Variants in CSMD1 observed in about 807,000 individuals in gnomAD.
CSMD1 encodes the protein CUB and Sushi multiple domains 1, also known as CUB and sushi domain-containing protein 1.
A neutral mutation model predicts 417.5 loss-of-function variants in CSMD1; 213 were observed. The observed-to-expected ratio is 0.51, with a 90% CI of 0.46 to 0.57. The LOEUF is 0.57. CSMD1 is among the 20% of genes least tolerant of loss of function. CSMD1 has a pLI of 0.00. For missense variants in CSMD1, 6,923 were observed against 4,529.7 expected (o/e 1.53, Z -15.17); for synonymous variants, 2,862 against 1,736.8 (o/e 1.65, Z -16.11).
At chr8:4,272,929 G>T (rs959165706) in intron 3 of CSMD1, among the ~76,000 whole-genome samples, 34 of 152,262 alleles carry the variant, frequency 2.2e-4, no homozygotes, top group Middle Eastern at 3.4e-3. Context: ...GAAGTATTTT[G>T]TAAGAAAGGA....
intron 3 of CSMD1, among the ~76,000 whole-genome samples, chr8:4,359,675 G>T (rs1267337483): frequency 6.6e-6 from 1 of 152,312 alleles, no homozygotes; most frequent in African/African-American, 2.4e-5. Context: ...TTCTGGGTAT[G>T]AATCCTCAGC....
intron 6 of CSMD1, among the ~76,000 whole-genome samples, chr8:3,751,863 C>G (rs1011777504): frequency 6.6e-6 from 1 of 152,102 alleles, no homozygotes; most frequent in Non-Finnish European, 1.5e-5. Flanking sequence ...TTACTGAGAG[C>G]TCTAGGAAAA....
intron 5 of CSMD1, among the ~76,000 whole-genome samples, chr8:3,953,653 C>G (rs768331890): frequency 1.3e-5 from 2 of 152,050 alleles, no homozygotes; most frequent in Non-Finnish European, 2.9e-5. Context: ...CCTAAGAACG[C>G]TGGGACTGGG....
chr8:3,626,234 A>C (rs1796486890), intron 7 of CSMD1, among the ~76,000 whole-genome samples: 2 of 152,320 alleles, frequency 1.3e-5, no homozygotes, highest in South Asian at 4.1e-4. Context: ...GCTTAGCTGG[A>C]GGACTTAGGG....
intron 39 of CSMD1, among the ~76,000 whole-genome samples, chr8:3,157,353 G>C (rs1043476120): frequency 1.3e-5 from 2 of 152,128 alleles, no homozygotes; most frequent in South Asian, 2.1e-4. Flanking sequence ...TAACAGTTTA[G>C]GGAGTCTCAA....
intron 1 of CSMD1, among the ~76,000 whole-genome samples, chr8:4,959,180 C>T (rs1358049631): frequency 6.6e-6 from 1 of 152,168 alleles, no homozygotes; most frequent in African/African-American, 2.4e-5. Context: ...TATGACACAG[C>T]TTCCAAGTAC....
intron 3 of CSMD1, among the ~76,000 whole-genome samples, chr8:4,224,258 C>T (rs1486536237): frequency 6.6e-6 from 1 of 151,902 alleles, no homozygotes; most frequent in Admixed American, 6.6e-5. Flanking sequence ...TTTGAAAATG[C>T]TTGCACACGT....
At chr8:4,270,085 A>G (rs1804487364) in intron 3 of CSMD1, among the ~76,000 whole-genome samples, 1 of 152,176 alleles carries the variant, frequency 6.6e-6, no homozygotes. Flanking sequence ...GAGAAACATG[A>G]TCAGATCAAT....
intron 1 of CSMD1, among the ~76,000 whole-genome samples, chr8:4,755,489 G>C (rs571849924): frequency 6.6e-6 from 1 of 151,638 alleles, no homozygotes; most frequent in South Asian, 2.1e-4. Context: ...ATTTATTTTT[G>C]GCATAACGTT....
chr8:4,459,696 G>A lies in CSMD1; in HGVS notation c.303-39631C>T, dbSNP rs550209728. The stretch of plus-strand genomic sequence containing the variant: ...AGAAGTGTGGACATAAGAATATGGA[G>A]CCCAGAGCAAGTTCAGAAATAATGA... On this transcript the variant is annotated intron_variant, in intron 2 of 69. Coordinates refer to ENST00000635120, the MANE Select transcript of CSMD1 (RefSeq NM_033225.6). Among the ~76,000 whole-genome samples the A allele has an allele frequency of 2.0e-5, 3 of 152,264 alleles. 1 individual carries two copies. The highest frequency in any genetic ancestry group is 1.9e-4 in the East Asian group (1 of 5,180).
At chr8:3,670,814 T>C (rs1293100359) in intron 7 of CSMD1, among the ~76,000 whole-genome samples, 9 of 150,596 alleles carry the variant, frequency 6.0e-5, no homozygotes, top group Admixed American at 5.3e-4. Context: ...TATATGTATA[T>C]GGGATATATG....
intron 1 of CSMD1, among the ~76,000 whole-genome samples, chr8:4,836,372 T>A (rs1292041940): frequency 1.3e-5 from 2 of 152,196 alleles, no homozygotes; most frequent in South Asian, 2.1e-4. Context: ...CCATGCCACA[T>A]CTTGCTGACT....
At chr8:3,254,715 G>T (rs1003132527) in intron 26 of CSMD1, among the ~76,000 whole-genome samples, 3 of 152,122 alleles carry the variant, frequency 2.0e-5, no homozygotes, top group Non-Finnish European at 4.4e-5. Flanking sequence ...TTGGTTTTCA[G>T]CTCCGTCAGG....
chr8:3,506,585 T>G (rs933408541), intron 10 of CSMD1, among the ~76,000 whole-genome samples: 1 of 152,200 alleles, frequency 6.6e-6, no homozygotes, highest in African/African-American at 2.4e-5. Flanking sequence ...CAACCACGCC[T>G]CTAAATATCT....
chr8:2,958,623 G>A (rs992512323), intron 62 of CSMD1, among the ~76,000 whole-genome samples: 4 of 152,224 alleles, frequency 2.6e-5, no homozygotes. Flanking sequence ...TCTGCAGCAT[G>A]AGGCCAGCAT....
intron 1 of CSMD1, among the ~76,000 whole-genome samples, chr8:4,752,339 T>C (rs994611483): frequency 2.6e-5 from 4 of 152,220 alleles, no homozygotes; most frequent in Non-Finnish European, 5.9e-5. Flanking sequence ...TATTTCTCTG[T>C]GAGCAATCTT....
At chr8:3,345,473 G>C (rs926571052) in intron 22 of CSMD1, among the ~76,000 whole-genome samples, 1 of 152,014 alleles carries the variant, frequency 6.6e-6, no homozygotes, top group Non-Finnish European at 1.5e-5. Context: ...TCTGGGTTCA[G>C]GTTTCGCACT....
chr8:4,433,175 G>C (rs555099873), intron 2 of CSMD1, among the ~76,000 whole-genome samples: 3 of 152,222 alleles, frequency 2.0e-5, no homozygotes, highest in South Asian at 4.1e-4. Flanking sequence ...GCATTATGGC[G>C]AGTTGTATAA....
intron 55 of CSMD1, among the ~76,000 whole-genome samples, chr8:2,975,238 A>T (rs986951359): frequency 6.6e-6 from 1 of 152,236 alleles, no homozygotes; most frequent in South Asian, 2.1e-4. Flanking sequence ...CCTTAAAATT[A>T]TACCAAATCA....
Sources: allele counts gnomAD v4.1 joint callset (sites outside exome capture counted in the v4.1 genomes callset), GRCh38; gene constraint gnomAD v4.1.1; transcripts MANE v1.5; gene names NCBI Gene and HGNC (gene_info 2026-07-23, HGNC 2026-07-21).